LRRFIP1: variants seen among roughly 807,000 people sequenced by gnomAD.
The protein encoded by LRRFIP1 is LRR binding FLII interacting protein 1.
Under a neutral mutation model 104.4 loss-of-function variants are expected in LRRFIP1, and 62 were observed. That is an observed-to-expected ratio of 0.59 (90% CI 0.48 to 0.73). The LOEUF is 0.73. Ranked by LOEUF, LRRFIP1 falls within the 30% of genes least tolerant of loss-of-function variation. The pLI, the probability that LRRFIP1 is intolerant of heterozygous loss-of-function variation, is 0.00. For missense variants in LRRFIP1, 796 were observed against 824.5 expected (o/e 0.97, Z 0.42); for synonymous variants, 300 against 299.0 (o/e 1.00, Z -0.03).
chr2:237,645,388 G>A (rs79542172), intron 1 of LRRFIP1, among the ~76,000 whole-genome samples: 5,245 of 148,734 alleles, frequency 0.035, 297 homozygotes, highest in African/African-American at 0.12. Flanking sequence ...ATGCTGCTGA[G>A]CCCTGGTCTC....
At chr2:237,749,781 G>A (rs1022807539) in intron 13 of LRRFIP1, among the ~76,000 whole-genome samples, 3 of 152,238 alleles carry the variant, frequency 2.0e-5, no homozygotes, top group Non-Finnish European at 4.4e-5. Context: ...TGTGCCTTTA[G>A]TAGCCCTCAT....
At chr2:237,672,378 C>G (rs981012675) in intron 1 of LRRFIP1, among the ~76,000 whole-genome samples, 2 of 152,274 alleles carry the variant, frequency 1.3e-5, no homozygotes, top group African/African-American at 2.4e-5. Context: ...GATGCCCCAG[C>G]TTCTTGTTTT....
chr2:237,723,526 T>TC, intron 6 of LRRFIP1, 22 bp from the exon 7 acceptor site: 1 of 1,613,458 alleles, frequency 6.2e-7, no homozygotes, highest in Non-Finnish European at 8.5e-7. Flanking sequence ...GTTTTTTTTT[T>TC]CTGCCATCTT....
intron 1 of LRRFIP1, among the ~76,000 whole-genome samples, chr2:237,653,700 C>A (rs148676725): frequency 2.6e-4 from 39 of 152,232 alleles, no homozygotes; most frequent in African/African-American, 7.9e-4. Context: ...AGAAATAAAT[C>A]CACGCATTTC....
At chr2:237,682,828 T>A (rs1051884163) in intron 1 of LRRFIP1, among the ~76,000 whole-genome samples, 9 of 152,238 alleles carry the variant, frequency 5.9e-5, no homozygotes, top group African/African-American at 2.2e-4. Context: ...TGTGCACATA[T>A]TCCCATCTTG....
chr2:237,695,757 GTT>G (rs575029627), intron 1 of LRRFIP1, among the ~76,000 whole-genome samples: 1 of 142,008 alleles, frequency 7.0e-6, no homozygotes. Context: ...TTTGTTTTTT[GTT>G]TTTTTTTTTT....
At chr2:237,763,386 A>G in intron 19 of LRRFIP1, 1 of 1,614,174 alleles carries the variant, frequency 6.2e-7, no homozygotes, top group Non-Finnish European at 8.5e-7. Context: ...AGTGACCAAC[A>G]GGGAGAGGCA....
intron 11 of LRRFIP1, among the ~76,000 whole-genome samples, chr2:237,742,753 T>G (rs1397389254): frequency 1.3e-5 from 2 of 152,218 alleles, no homozygotes; most frequent in African/African-American, 4.8e-5. Context: ...TGGATAGGAC[T>G]CCCCGGTCCT....
At chr2:237,692,442 C>CCGAGCCCGGCAGGATGA (rs2092868252) in intron 1 of LRRFIP1, 1 of 1,513,676 alleles carries the variant, frequency 6.6e-7, no homozygotes, top group South Asian at 1.2e-5. Flanking sequence ...GTGGAGCGGG[C>CCGAGCCCGGCAGGATGA]CGAGCCCGGC....
At chr2:237,668,045 C>T (rs1367179456) in intron 1 of LRRFIP1, among the ~76,000 whole-genome samples, 2 of 152,116 alleles carry the variant, frequency 1.3e-5, no homozygotes, top group African/African-American at 4.8e-5. Flanking sequence ...TTGACACCCC[C>T]CTTTCCCCAA....
intron 1 of LRRFIP1, among the ~76,000 whole-genome samples, chr2:237,695,679 C>T (rs889157929): frequency 8.5e-5 from 13 of 152,198 alleles, no homozygotes; most frequent in South Asian, 2.1e-4. Flanking sequence ...CATCTCACTA[C>T]GTGTTAGACA....
At chr2:237,748,893 G>A (rs538522397) in intron 12 of LRRFIP1, among the ~76,000 whole-genome samples, 14 of 152,236 alleles carry the variant, frequency 9.2e-5, no homozygotes, top group African/African-American at 2.9e-4. Context: ...TCACAGTTCC[G>A]CATGGCTGGG....
intron 1 of LRRFIP1, among the ~76,000 whole-genome samples, chr2:237,647,138 C>T (rs1033884281): frequency 1.3e-5 from 2 of 152,034 alleles, no homozygotes; most frequent in Non-Finnish European, 2.9e-5. Context: ...CCAATGTTAG[C>T]ATCTGAAACC....
chr2:237,672,917 G>A (rs547143002), intron 1 of LRRFIP1, among the ~76,000 whole-genome samples: 12 of 152,320 alleles, frequency 7.9e-5, no homozygotes, highest in African/African-American at 1.2e-4. Context: ...GAATTTTGGC[G>A]TCTTATATAG....
At chr2:237,746,260 T>C (rs1316190754) in intron 11 of LRRFIP1, among the ~76,000 whole-genome samples, 3 of 152,142 alleles carry the variant, frequency 2.0e-5, no homozygotes, top group Non-Finnish European at 4.4e-5. Flanking sequence ...GGTTTCGCCG[T>C]GTTGGCCAGG....
chr2:237,635,132 T>G (rs2082901670), intron 1 of LRRFIP1, among the ~76,000 whole-genome samples: 1 of 152,234 alleles, frequency 6.6e-6, no homozygotes. Context: ...TTCAGTAGCT[T>G]TCGGAGCAAG....
intron 1 of LRRFIP1, among the ~76,000 whole-genome samples, chr2:237,669,068 G>T (rs1296884287): frequency 6.6e-6 from 1 of 151,988 alleles, no homozygotes; most frequent in African/African-American, 2.4e-5. Flanking sequence ...ATGTTTTAAT[G>T]GCCACAAAAT....
rs2150912569 is a variant in LRRFIP1 at position 237,769,975 on chromosome 2, GA to G, written c.1494del (p.Glu498AspfsTer23). 1 of 1,604,728 alleles carries G rather than the reference GA, an allele frequency of 6.2e-7. No individual in the cohort carries two copies. The highest frequency in any genetic ancestry group is 2.2e-5 in the East Asian group (1 of 44,720). On this transcript the variant is annotated frameshift_variant, in exon 20 of 24. Transcript: ENST00000308482. LOFTEE classifies it high-confidence loss of function. ...IRLKKLVDER[E>X]CLLEQIKKLK... The stretch of plus-strand genomic sequence containing the variant: ...GTTGAAAAAGCTGGTTGATGAACGG[GA>G]ATGCTTATTGGAACAGGTAACAATC...
At chr2:237,739,414 G>A (rs1300133759) in intron 11 of LRRFIP1, 105 bp downstream of exon 11, 2 of 979,024 alleles carry the variant, frequency 2.0e-6, no homozygotes, top group Admixed American at 2.4e-5. Context: ...ACTCTGCGGT[G>A]ATATTATTAG....
Sources: gnomAD v4.1 joint callset for allele counts (sites outside exome capture counted in the v4.1 genomes callset) on GRCh38, gnomAD v4.1.1 for gene constraint, MANE v1.5 for transcripts, NCBI Gene and HGNC (gene_info 2026-07-23, HGNC 2026-07-21) for gene names.